SBNO1: variants seen among roughly 807,000 people sequenced by gnomAD.
SBNO1 encodes protein strawberry notch homolog 1.
A neutral mutation model predicts 173.6 loss-of-function variants in SBNO1; 23 were observed. That is an observed-to-expected ratio of 0.13 (90% CI 0.10 to 0.19). The LOEUF (loss-of-function observed/expected upper bound fraction) is 0.19, where lower values mean the gene tolerates loss of function less well. SBNO1 is among the 10% of genes least tolerant of loss of function. The pLI is 1.00. For missense variants in SBNO1, 1,238 were observed against 1,671.2 expected (o/e 0.74, Z 4.52); for synonymous variants, 632 against 571.5 (o/e 1.11, Z -1.51).
intron 3 of SBNO1, among the ~76,000 whole-genome samples, chr12:123,346,660 T>C (rs1022525140): frequency 1.3e-5 from 2 of 151,986 alleles, no homozygotes; most frequent in African/African-American, 2.4e-5. Flanking sequence ...CGAGACTCCA[T>C]CTCAAAAAAT....
chr12:123,348,623 G>A (rs1414360489), intron 2 of SBNO1, among the ~76,000 whole-genome samples: 3 of 152,126 alleles, frequency 2.0e-5, no homozygotes, highest in Admixed American at 6.6e-5. Context: ...AAAATTCACC[G>A]AGTGTGGTGG....
rs776342900 is a variant in SBNO1 at position 123,328,855 on chromosome 12, A to G, written c.1175T>C (p.Val392Ala). ...AGTAGCAAAAATAACACCCTTTTTC[A>G]CACTCCCATTATGTTTGGAAGAAAT... The part of the protein sequence containing the change: ...GKISSKHNGS[V>A]KKGVIFATYS... The change falls in exon 10 of 32, where the codon GTG (valine) becomes GCG (alanine). Residue 392 changes from valine to alanine, a missense_variant. Val to Ala is a moderately conservative substitution (Grantham distance 64). Transcript: ENST00000602398. The G allele has an allele frequency of 1.3e-5, 21 of 1,603,858 alleles. No individual in the cohort carries two copies. The Admixed American group carries it at 1.3e-4, about 10-fold the overall frequency.
chr12:123,364,106 G>C, intron 1 of SBNO1: 1 of 985,562 alleles, frequency 1.0e-6, no homozygotes, highest in African/African-American at 1.7e-5. Flanking sequence ...GTCGCCTGGA[G>C]AGGCGTGAAG....
intron 28 of SBNO1, among the ~76,000 whole-genome samples, chr12:123,305,117 G>C (rs1411664809): frequency 6.6e-6 from 1 of 152,198 alleles, no homozygotes; most frequent in African/African-American, 2.4e-5. Context: ...GTAGGCATTA[G>C]GGGTCTTCAG....
At chr12:123,330,540 T>C in intron 8 of SBNO1, 31 bp from the exon 9 acceptor site, 1 of 1,160,318 alleles carries the variant, frequency 8.6e-7, no homozygotes, top group Non-Finnish European at 1.2e-6. Flanking sequence ...ACAAATTAAA[T>C]ACAAATTATA....
intron 1 of SBNO1, among the ~76,000 whole-genome samples, chr12:123,359,273 T>C (rs960450341): frequency 2.0e-5 from 3 of 147,580 alleles, no homozygotes; most frequent in African/African-American, 7.4e-5. Flanking sequence ...ATAGGCTGAG[T>C]GCGGTGGCTC....
chr12:123,350,686 G>A (rs56116847), intron 1 of SBNO1, among the ~76,000 whole-genome samples: 45,740 of 152,134 alleles, frequency 0.3, 8,948 homozygotes, highest in East Asian at 0.7. Context: ...AAAAGGCTAC[G>A]GGAACAGAGA....
chr12:123,321,754 A>T, intron 16 of SBNO1, 22 bp from the exon 17 acceptor site: 1 of 1,598,500 alleles, frequency 6.3e-7, no homozygotes, highest in Non-Finnish European at 8.6e-7. Context: ...CACAAACAAG[A>T]GAGTCAGCCC....
intron 20 of SBNO1, among the ~76,000 whole-genome samples, chr12:123,317,582 ACATG>A (rs1018270406): frequency 6.6e-6 from 1 of 152,180 alleles, no homozygotes; most frequent in African/African-American, 2.4e-5. Flanking sequence ...AAAGTAGGCG[ACATG>A]CCCTTCTCAT....
chr12:123,364,477 G>A (rs976044181), intron 1 of SBNO1: 9 of 983,678 alleles, frequency 9.1e-6, no homozygotes, highest in Non-Finnish European at 9.7e-6. Flanking sequence ...GCCCGGCGCT[G>A]ACGAACAGAG....
intron 29 of SBNO1, 190 bp downstream of exon 29, chr12:123,304,392 C>A: frequency 2.3e-6 from 1 of 438,314 alleles, no homozygotes; most frequent in Non-Finnish European, 4.2e-6. Flanking sequence ...GCATCACCAT[C>A]CTGGGATAAT....
At chr12:123,330,745 G>A (rs1566040342) in intron 8 of SBNO1, among the ~76,000 whole-genome samples, 2 of 152,034 alleles carry the variant, frequency 1.3e-5, no homozygotes, top group Admixed American at 6.6e-5. Context: ...AGACCAGCCT[G>A]AGCAACACAA....
At chr12:123,305,767 C>G (rs1396015196) in intron 28 of SBNO1, among the ~76,000 whole-genome samples, 1 of 152,128 alleles carries the variant, frequency 6.6e-6, no homozygotes, top group Admixed American at 6.5e-5. Context: ...GCCACCACGC[C>G]TGGCCTATTT....
At chr12:123,318,834 T>TGA (rs752506627) in intron 20 of SBNO1, among the ~76,000 whole-genome samples, 10 of 151,888 alleles carry the variant, frequency 6.6e-5, no homozygotes, top group Non-Finnish European at 1.2e-4. Context: ...GTAAATCGTC[T>TGA]TAATATAACA....
chr12:123,348,911 G>T (rs1220988202), intron 2 of SBNO1: 1 of 151,494 alleles, frequency 6.6e-6, no homozygotes, highest in Non-Finnish European at 1.5e-5. Context: ...AGTGAGCCAA[G>T]ATCGTGCCAC....
At chr12:123,324,909 A>G (rs1593365309) in intron 15 of SBNO1, among the ~76,000 whole-genome samples, 1 of 151,960 alleles carries the variant, frequency 6.6e-6, no homozygotes, top group Non-Finnish European at 1.5e-5. Flanking sequence ...CACGGGTTCA[A>G]TGGATTCTCC....
At chr12:123,315,046 A>G (rs897066994) in intron 23 of SBNO1, among the ~76,000 whole-genome samples, 2 of 151,884 alleles carry the variant, frequency 1.3e-5, no homozygotes, top group Non-Finnish European at 2.9e-5. Flanking sequence ...CCTGGCCTTT[A>G]TATATATTTT....
chr12:123,336,382 C>A lies in SBNO1; in HGVS notation c.748+13G>T, dbSNP rs762458874. 1 of 1,481,634 alleles carries A rather than the reference C, an allele frequency of 6.7e-7. No individual in the cohort carries two copies. The highest frequency in any genetic ancestry group is 9.3e-7 in the Non-Finnish European group (1 of 1,071,166). 91.8% of individuals were successfully genotyped at this position (1,481,634 alleles called of 1,614,324 possible). ...ACTTTGATGTAAATATCTGACAAAT[C>A]CCGAAGACATACATTTTATTGGCAT... is the stretch of plus-strand genomic sequence containing the variant. On this transcript the variant is annotated intron_variant, in intron 6 of 31. Transcript: ENST00000602398.
chr12:123,330,369 A>G, intron 9 of SBNO1, 50 bp downstream of exon 9: 1 of 1,073,722 alleles, frequency 9.3e-7, no homozygotes, highest in South Asian at 1.3e-5. Context: ...GTCATCTCAC[A>G]GATGAGTCAA....
Sources: gnomAD v4.1 joint callset for allele counts (sites outside exome capture counted in the v4.1 genomes callset) on GRCh38, gnomAD v4.1.1 for gene constraint, MANE v1.5 for transcripts, NCBI Gene and HGNC (gene_info 2026-07-23, HGNC 2026-07-21) for gene names.